The following CIMAP2 variants were observed in gnomAD, a reference collection of about 807,000 sequenced individuals.
CIMAP2 encodes the protein ciliary microtubule associated protein 2.
At chr1:54,817,109 G>A in the CIMAP2 span, 1 of 1,614,190 alleles carries the variant, frequency 6.2e-7, no homozygotes, top group East Asian at 2.2e-5. Context: ...CCTGGCCCGG[G>A]ACATGCTCAT....
At chr1:54,832,886 G>T in the CIMAP2 span, among the ~76,000 whole-genome samples, 1 of 152,058 alleles carries the variant, frequency 6.6e-6, no homozygotes, top group Non-Finnish European at 1.5e-5. Flanking sequence ...AATTAGCTGG[G>T]TGTGGTGATG....
At chr1:54,836,601 G>T in the CIMAP2 span, among the ~76,000 whole-genome samples, 1 of 151,176 alleles carries the variant, frequency 6.6e-6, no homozygotes, top group African/African-American at 2.4e-5. Context: ...GAACACAGAA[G>T]GTCTCAGGCA....
At chr1:54,827,933 G>A in the CIMAP2 span, among the ~76,000 whole-genome samples, 2 of 152,114 alleles carry the variant, frequency 1.3e-5, no homozygotes, top group Non-Finnish European at 1.5e-5. Flanking sequence ...ATAGAGACTG[G>A]GGGAGAAATA....
chr1:54,812,242 G>C, the CIMAP2 span: 3 of 1,607,644 alleles, frequency 1.9e-6, no homozygotes, highest in Non-Finnish European at 2.6e-6. Context: ...AGGATGACAG[G>C]CCTCACTAGT....
the CIMAP2 span, among the ~76,000 whole-genome samples, chr1:54,839,073 G>A: frequency 2.7e-4 from 41 of 152,262 alleles, no homozygotes; most frequent in African/African-American, 9.9e-4. Flanking sequence ...TGGATCTCTG[G>A]TCCATCTGGC....
chr1:54,808,244 A>G, the CIMAP2 span, among the ~76,000 whole-genome samples: 3 of 152,222 alleles, frequency 2.0e-5, no homozygotes, highest in African/African-American at 7.2e-5. Context: ...AAAGAAGGAA[A>G]TATAATACGT....
the CIMAP2 span, among the ~76,000 whole-genome samples, chr1:54,809,723 G>A: frequency 6.6e-6 from 1 of 152,062 alleles, no homozygotes; most frequent in Non-Finnish European, 1.5e-5. Context: ...GGAGACCAAG[G>A]CCTGGGTGTG....
chr1:54,830,215 C>CTATTTATT, the CIMAP2 span, among the ~76,000 whole-genome samples: 1 of 151,906 alleles, frequency 6.6e-6, no homozygotes, highest in Admixed American at 6.6e-5. The surrounding 1 kb of genome is among the most constrained non-coding windows in gnomAD (Gnocchi z 4.1). Flanking sequence ...TTCTTTCTTT[C>CTATTTATT]TATTTATTTA....
the CIMAP2 span, among the ~76,000 whole-genome samples, chr1:54,834,704 G>A: frequency 3.3e-5 from 5 of 152,180 alleles, no homozygotes; most frequent in East Asian, 3.9e-4. Flanking sequence ...CATACATGCC[G>A]TATACACACA....
At chr1:54,806,707 T>TG in the CIMAP2 span, among the ~76,000 whole-genome samples, 2 of 16,532 alleles carry the variant, frequency 1.2e-4, no homozygotes, top group African/African-American at 5.3e-4. Flanking sequence ...CTCTCTTCTG[T>TG]GGGGGGTGGG....
the CIMAP2 span, among the ~76,000 whole-genome samples, chr1:54,836,227 C>T: frequency 1.3e-5 from 2 of 151,826 alleles, no homozygotes; most frequent in African/African-American, 4.9e-5. Flanking sequence ...TTTCATTTCT[C>T]CTTCCTTCCC....
chr1:54,822,862 CCATT>C, the CIMAP2 span, among the ~76,000 whole-genome samples: 9 of 152,198 alleles, frequency 5.9e-5, no homozygotes, highest in African/African-American at 1.9e-4. Flanking sequence ...TGTTTAATTC[CCATT>C]TATTCGTACA....
chr1:54,814,171 T>C, the CIMAP2 span, among the ~76,000 whole-genome samples: 1 of 152,144 alleles, frequency 6.6e-6, no homozygotes, highest in African/African-American at 2.4e-5. Flanking sequence ...CCCTGTCCTA[T>C]GAAGATGGTG....
the CIMAP2 span, among the ~76,000 whole-genome samples, chr1:54,822,382 G>T: frequency 2.2e-4 from 31 of 142,728 alleles, no homozygotes; most frequent in East Asian, 3.3e-3. Context: ...CTTTGTATTG[G>T]TTTTTTTTTT....
the CIMAP2 span, among the ~76,000 whole-genome samples, chr1:54,830,693 A>G: frequency 1.5e-3 from 228 of 152,372 alleles, no homozygotes; most frequent in African/African-American, 5.2e-3. The surrounding 1 kb of genome is among the most constrained non-coding windows in gnomAD (Gnocchi z 4.1). Context: ...CAGATTATCA[A>G]ACTGATATTA....
At chr1:54,811,765 G>GCCGGGGGGGGGCCCCCCCCCCCCCC in the CIMAP2 span, 15 of 1,301,296 alleles carry the variant, frequency 1.2e-5, no homozygotes, top group African/African-American at 3.0e-5. Context: ...GGTTCTGACA[G>GCCGGGGGGGGGCCCCCCCCCCCCCC]CCTCCATGCC....
chr1:54,829,908 T>G, the CIMAP2 span, among the ~76,000 whole-genome samples: 12 of 152,318 alleles, frequency 7.9e-5, 1 homozygote, highest in South Asian at 2.1e-3. Context: ...TATGTTCATT[T>G]TGGCCTCAGT....
At chr1:54,810,654 C>T in the CIMAP2 span, among the ~76,000 whole-genome samples, 9 of 152,186 alleles carry the variant, frequency 5.9e-5, no homozygotes, top group African/African-American at 9.7e-5. Context: ...GCAGTGACCC[C>T]GCATGGCTAA....
chr1:54,824,815 C>T, the CIMAP2 span, among the ~76,000 whole-genome samples: 1 of 151,540 alleles, frequency 6.6e-6, no homozygotes, highest in East Asian at 1.9e-4. Context: ...TATCTGTTTT[C>T]TCTTGTATCT....
Sources: gnomAD v4.1 joint callset for allele counts (sites outside exome capture counted in the v4.1 genomes callset) on GRCh38, gnomAD v4.1.1 for gene constraint, Gnocchi (gnomAD v3.1) non-coding constraint, MANE v1.5 for transcripts, NCBI Gene and HGNC (gene_info 2026-07-23, HGNC 2026-07-21) for gene names.